The following SNX19 variants were observed in gnomAD, a reference collection of about 807,000 sequenced individuals.
SNX19 encodes sorting nexin-19.
In SNX19, 60 loss-of-function variants were observed where a neutral mutation model predicts 85.2. The ratio of observed to expected loss-of-function variants is 0.70; its 90% CI spans 0.57 to 0.87. The LOEUF (loss-of-function observed/expected upper bound fraction) is 0.87. Ranked by LOEUF, SNX19 falls within the 40% of genes least tolerant of loss-of-function variation. The pLI is 0.00. For missense variants in SNX19, 1,201 were observed against 1,217.8 expected (o/e 0.99, Z 0.21); for synonymous variants, 520 against 470.0 (o/e 1.11, Z -1.38).
Position 130,873,193 on chromosome 11 carries a change from A to G in SNX19, c.*5229T>C, listed in dbSNP as rs1353883571. 6.6e-6 allele frequency among the ~76,000 whole-genome samples: 1 copy of G among 152,210 alleles called. No homozygotes were observed. Among genetic ancestry groups the G allele is most frequent in the Non-Finnish European group, 1.5e-5 (1 of 68,036 alleles). ...AGACCGCAGGTCCACAAACTGACTC[A>G]TGGGACAAACCCGGCCAGCTGCCTA... On this transcript the variant is annotated 3_prime_UTR_variant, in exon 11 of 11. Transcript: ENST00000265909.
chr11:130,894,598 G>A (rs944893602), intron 8 of SNX19: 14 of 977,876 alleles, frequency 1.4e-5, no homozygotes, highest in South Asian at 9.5e-5. Context: ...AACCTGCAGC[G>A]CCACCTGGTG....
chr11:130,907,961 C>T lies in SNX19; in HGVS notation c.2157G>A (p.Lys719=). ...TESKPQTEGK[K]ASKSRLRFSS... ...AACTGAGGGCTTCTCACTTGCTAGC[C>T]TTCTTGCCTTCTGTCTGGGGCTTGC... The change falls in exon 5 of 11, where the codon AAG becomes AAA. Residue 719 remains lysine (K), a synonymous_variant. Coordinates refer to ENST00000265909, the MANE Select transcript of SNX19 (RefSeq NM_014758.3). 2 of 1,613,952 alleles carry T rather than the reference C, an allele frequency of 1.2e-6. No homozygotes were observed. Among genetic ancestry groups the T allele is most frequent in the Non-Finnish European group, 1.7e-6 (2 of 1,180,012 alleles).
In SNX19 at chr11:130,873,182, C is replaced by T. The variant is rs1943093870; in HGVS notation, c.*5240G>A. 6.6e-6 allele frequency among the ~76,000 whole-genome samples: 1 copy of T among 152,222 alleles called. No homozygotes were observed. The highest frequency in any genetic ancestry group is 2.4e-5 in the African/African-American group (1 of 41,468). ...TCTAACTCACTAGACCGCAGGTCCA[C>T]AAACTGACTCATGGGACAAACCCGG... On this transcript the variant is annotated 3_prime_UTR_variant, in exon 11 of 11. Transcript: ENST00000265909.
At chr11:130,907,313 T>C (rs192268176) in intron 5 of SNX19, among the ~76,000 whole-genome samples, 1 of 151,506 alleles carries the variant, frequency 6.6e-6, no homozygotes, top group East Asian at 1.9e-4. Context: ...CCATGAAACA[T>C]AAGCACAGAG....
rs1459660169 is a variant in SNX19 at position 130,906,089 on chromosome 11, T to C, written c.2307A>G (p.Glu769=). The C allele has an allele frequency of 6.2e-7, 1 of 1,614,152 alleles. No individual in the cohort carries two copies. Among genetic ancestry groups the C allele is most frequent in the South Asian group, 1.1e-5 (1 of 91,086 alleles). The change falls in exon 7 of 11, where the codon GAA becomes GAG. Residue 769 remains glutamate, a synonymous_variant. Transcript: ENST00000265909. ...LSMSAMESFI[E]KQTKLLEMQP... ...GCATTTCCAGTAACTTTGTCTGTTT[T>C]TCAATAAAAGATTCCATCGCAGACA...
chr11:130,894,850 AC>A (rs1282688570), intron 8 of SNX19: 51 of 985,320 alleles, frequency 5.2e-5, no homozygotes, highest in Middle Eastern at 5.2e-4. Context: ...TAGCTGTTAT[AC>A]CTTCCTCTAT....
rs569062042 is a variant in SNX19, at chr11:130,867,551, A to G, written c.*10871T>C. 2.6e-5 allele frequency: 4 copies of G among 152,306 alleles called. No individual in the cohort carries two copies. The East Asian group carries it at 5.8e-4, about 22-fold the overall frequency. The allele number at this position is 152,306 out of a possible 1,614,324, so 9.4% of individuals were successfully genotyped here. A position where few individuals can be genotyped will look rare whatever the true frequency, so the allele number is the denominator to read the frequency against. Reference sequence around the variant, plus strand: ...TTAAAGAGGAAAAATGAAGGATAGGAAGTTTTTATCCTAGAAGCCTAGAGA... The same window carrying G: ...TTAAAGAGGAAAAATGAAGGATAGGGAGTTTTTATCCTAGAAGCCTAGAGA... On this transcript the variant is annotated 3_prime_UTR_variant, in exon 11 of 11. Coordinates refer to ENST00000265909, the MANE Select transcript of SNX19 (RefSeq NM_014758.3).
In SNX19 at chr11:130,915,878, T is replaced by C. The variant is rs1309609474; in HGVS notation, c.62A>G (p.Asn21Ser). ...CAGCTTCCGGCTACTCAACAGGTTA[T>C]TGAGGTGACAGCTCGATCCAGCTGG... is the stretch of plus-strand genomic sequence containing the variant. The part of the protein sequence containing the change: ...ETPAGSSCHL[N>S]NLLSSRKLMA... Residue 21 changes from asparagine (N) to serine (S), a missense_variant, in exon 1 of 11, where the codon AAT (asparagine) becomes AGT (serine). By Grantham distance (46) the Asn-to-Ser change is conservative (BLOSUM62 1). Coordinates refer to ENST00000265909, the MANE Select transcript of SNX19 (RefSeq NM_014758.3). The C allele has an allele frequency of 2.1e-5, 34 of 1,614,090 alleles. No individual in the cohort carries two copies. In the East Asian group the frequency reaches 2.9e-4, roughly 14 times the overall value.
At chr11:130,913,657 C>T (rs1231972102) in intron 1 of SNX19, among the ~76,000 whole-genome samples, 1 of 152,136 alleles carries the variant, frequency 6.6e-6, no homozygotes, top group Non-Finnish European at 1.5e-5. Context: ...TCAACTTCTT[C>T]CCTGCTGATT....
chr11:130,881,626 A>ATTTCC (rs1943684541), intron 8 of SNX19, among the ~76,000 whole-genome samples: 1 of 152,126 alleles, frequency 6.6e-6, no homozygotes, highest in Non-Finnish European at 1.5e-5. Flanking sequence ...TGTCTTAGGG[A>ATTTCC]TTTCCTACAT....
intron 8 of SNX19, among the ~76,000 whole-genome samples, chr11:130,891,848 T>TTC (rs754592708): frequency 3.4e-5 from 5 of 148,978 alleles, no homozygotes; most frequent in Admixed American, 2.0e-4. Flanking sequence ...AGTTTTTTCT[T>TTC]TTTTTTTTTT....
At chr11:130,893,419 A>C (rs1371622639) in intron 8 of SNX19, among the ~76,000 whole-genome samples, 2 of 152,204 alleles carry the variant, frequency 1.3e-5, no homozygotes, top group Admixed American at 1.3e-4. Context: ...ATATATGAGA[A>C]GCAGATGCCC....
intron 8 of SNX19, among the ~76,000 whole-genome samples, chr11:130,895,532 T>G (rs1178649519): frequency 6.6e-6 from 1 of 152,200 alleles, no homozygotes; most frequent in African/African-American, 2.4e-5. Flanking sequence ...ATTCTAAAGC[T>G]GTCATCAAAA....
At chr11:130,899,398 T>C (rs1326819991) in intron 8 of SNX19, among the ~76,000 whole-genome samples, 1 of 152,192 alleles carries the variant, frequency 6.6e-6, no homozygotes, top group African/African-American at 2.4e-5. Flanking sequence ...GACTTCTAGC[T>C]TCCTATCTTA....
chr11:130,911,225 G>A (rs1271661242), intron 2 of SNX19, among the ~76,000 whole-genome samples: 1 of 146 alleles, frequency 6.8e-3, no homozygotes, highest in African/African-American at 0.045. Context: ...CCCCATGCCT[G>A]AGAGTTGTCA....
chr11:130,879,782 C>A, intron 9 of SNX19, 71 bp from the exon 10 acceptor site: 1 of 1,412,600 alleles, frequency 7.1e-7, no homozygotes. Context: ...CAGTCTCTCC[C>A]CAGGATCTCT....
intron 7 of SNX19, chr11:130,905,543 G>C (rs1454865503): frequency 1.3e-6 from 1 of 752,410 alleles, no homozygotes; most frequent in Non-Finnish European, 2.0e-6. Context: ...AGCTCTGGCA[G>C]GTGGATCATG....
At chr11:130,880,391 G>T (rs1016142669) in intron 9 of SNX19, among the ~76,000 whole-genome samples, 1 of 152,284 alleles carries the variant, frequency 6.6e-6, no homozygotes, top group East Asian at 1.9e-4. Flanking sequence ...AGTATTTAGG[G>T]TGCAGCTGTA....
At chr11:130,912,857 T>G (rs1946245257) in intron 1 of SNX19, among the ~76,000 whole-genome samples, 1 of 152,198 alleles carries the variant, frequency 6.6e-6, no homozygotes, top group African/African-American at 2.4e-5. Flanking sequence ...ACCGTTATGG[T>G]TACTTCCATC....
Sources: allele counts gnomAD v4.1 joint callset (sites outside exome capture counted in the v4.1 genomes callset), GRCh38; gene constraint gnomAD v4.1.1; transcripts MANE v1.5; gene names NCBI Gene and HGNC (gene_info 2026-07-23, HGNC 2026-07-21).